The following UBASH3A variants were observed in gnomAD, a reference collection of about 807,000 sequenced individuals.
The protein encoded by UBASH3A is ubiquitin associated and SH3 domain containing A.
UBASH3A carries 63 observed loss-of-function variants against 73.5 expected under a neutral mutation model. The observed-to-expected ratio is 0.86, with a 90% CI of 0.70 to 1.06. The LOEUF (loss-of-function observed/expected upper bound fraction) is 1.06. Ranked by LOEUF, UBASH3A falls within the 50% of genes least tolerant of loss-of-function variation. The probability of loss-of-function intolerance (pLI) is 0.00; values close to 1 mark genes in which losing one functional copy is unlikely to be tolerated. For synonymous variants in UBASH3A, 363 were observed against 351.1 expected (o/e 1.03, Z -0.38); for missense variants, 860 against 859.0 (o/e 1.00, Z -0.02).
At chr21:42,417,259 C>G (rs1270382257) in intron 6 of UBASH3A, among the ~76,000 whole-genome samples, 2 of 151,602 alleles carry the variant, frequency 1.3e-5, no homozygotes, top group South Asian at 2.1e-4. Flanking sequence ...GCTGTCTCTA[C>G]TAAAAATACA....
At chr21:42,433,912 T>C (rs1056768874) in intron 9 of UBASH3A, among the ~76,000 whole-genome samples, 4 of 152,090 alleles carry the variant, frequency 2.6e-5, no homozygotes, top group Non-Finnish European at 4.4e-5. Context: ...CAGGGCCTGC[T>C]ATGTATGGCA....
At chr21:42,440,970 G>A (rs1404533845) in intron 11 of UBASH3A, among the ~76,000 whole-genome samples, 2 of 152,058 alleles carry the variant, frequency 1.3e-5, no homozygotes, top group Non-Finnish European at 2.9e-5. Flanking sequence ...TGGGTCACTT[G>A]CATATAAAAA....
rs2053767235 is a variant in UBASH3A, at chr21:42,442,598, T to C, written c.1631+2T>C. 1.9e-6 allele frequency: 3 copies of C among 1,604,748 alleles called. No homozygotes were observed. Among genetic ancestry groups the C allele is most frequent in the East Asian group, 2.2e-5 (1 of 44,838 alleles). On this transcript the variant is annotated splice_donor_variant, in intron 12 of 14. Transcript: ENST00000319294. LOFTEE classifies it high-confidence loss of function. ...TTTCAACATTGACACTGATTACAGG[T>C]ATGCTGTTCTAAAGTTCTCTGCCAC...
intron 8 of UBASH3A, among the ~76,000 whole-genome samples, chr21:42,430,014 G>A (rs975194301): frequency 1.3e-5 from 2 of 151,796 alleles, no homozygotes; most frequent in African/African-American, 4.8e-5. Flanking sequence ...ATTCTGCATC[G>A]TCCGGGCCAG....
intron 7 of UBASH3A, among the ~76,000 whole-genome samples, chr21:42,420,569 G>GAATT (rs1347651323): frequency 1.3e-5 from 2 of 152,102 alleles, no homozygotes; most frequent in Non-Finnish European, 2.9e-5. Context: ...TTACTACAAT[G>GAATT]AATTGCCTTA....
chr21:42,425,430 G>A (rs967260528), intron 7 of UBASH3A, among the ~76,000 whole-genome samples: 8 of 152,326 alleles, frequency 5.3e-5, no homozygotes, highest in Admixed American at 4.6e-4. Context: ...CCTCAGGAAG[G>A]GGAAACCAAC....
intron 3 of UBASH3A, 117 bp downstream of exon 3, chr21:42,409,725 C>A: frequency 1.2e-6 from 1 of 866,486 alleles, no homozygotes; most frequent in Non-Finnish European, 1.8e-6. Context: ...AGAACTGCAT[C>A]ATTAGCTGGC....
chr21:42,443,099 C>T (rs757315261), intron 12 of UBASH3A: 91 of 1,357,662 alleles, frequency 6.7e-5, no homozygotes, highest in Non-Finnish European at 8.5e-5. Context: ...TCACAGAGCC[C>T]TCCTGGTGTT....
At chr21:42,443,512 GC>G (rs1453152394) in intron 13 of UBASH3A, 94 bp downstream of exon 13, 1 of 1,079,842 alleles carries the variant, frequency 9.3e-7, no homozygotes. Flanking sequence ...ACCTATGAAT[GC>G]CCCTACTTCT....
intron 7 of UBASH3A, among the ~76,000 whole-genome samples, chr21:42,424,583 C>T (rs1045125463): frequency 6.6e-6 from 1 of 152,112 alleles, no homozygotes; most frequent in Non-Finnish European, 1.5e-5. Context: ...AGTGTGAGGG[C>T]TCGGGAGAAT....
intron 3 of UBASH3A, among the ~76,000 whole-genome samples, chr21:42,411,415 CACAT>C (rs1433137913): frequency 6.6e-6 from 1 of 151,930 alleles, no homozygotes; most frequent in Non-Finnish European, 1.5e-5. Flanking sequence ...CACATACATG[CACAT>C]ACATAGACAA....
chr21:42,415,113 G>T (rs571729003), intron 5 of UBASH3A, among the ~76,000 whole-genome samples: 1 of 152,314 alleles, frequency 6.6e-6, no homozygotes, highest in East Asian at 1.9e-4. Context: ...AAATGCATGA[G>T]GCCCCCTTGC....
chr21:42,426,767 G>T lies in UBASH3A; in HGVS notation c.1117G>T (p.Gly373Trp). ...TGGTGAAGCCAGCAGCAGATGCAGCGGGGAATTTCTTCCACAAACGGCAAG... is the reference window on the plus strand; with the variant it reads ...TGGTGAAGCCAGCAGCAGATGCAGCTGGGAATTTCTTCCACAAACGGCAAG... Reference protein sequence around the residue: ...KDGEASSRCSGEFLPQTARSL... With the variant: ...KDGEASSRCSWEFLPQTARSL... Residue 373 changes from glycine to tryptophan, a missense_variant, in exon 8 of 15, where the codon GGG becomes TGG. Physicochemically the swap from Gly to Trp is radical, Grantham distance 184. Transcript: ENST00000319294. 6.2e-7 allele frequency: 1 copy of T among 1,614,156 alleles called. No homozygotes were observed. The highest frequency in any genetic ancestry group is 1.1e-5 in the South Asian group (1 of 91,080).
At position 42,410,064 on chromosome 21, in the gene UBASH3A, A is replaced by G. The variant is rs1213704359; in HGVS notation, c.354+456A>G. ...CCAAAATGTGTGGTAAGTCAACTCA[A>G]GGATGGGTGATTGTTGGCTACCCAC... On this transcript the variant is annotated intron_variant, in intron 3 of 14. Transcript: ENST00000319294. 8.5e-6 allele frequency: 6 copies of G among 702,032 alleles called. No homozygotes were observed. In the African/African-American group the frequency reaches 1.0e-4, roughly 12 times the overall value. 43.5% of individuals were successfully genotyped at this position (702,032 alleles called of 1,614,324 possible).
At chr21:42,443,093 A>C in intron 12 of UBASH3A, 14 of 1,338,556 alleles carry the variant, frequency 1.0e-5, no homozygotes, top group African/African-American at 1.5e-5. Flanking sequence ...CTGCCATCAC[A>C]GAGCCCTCCT....
intron 11 of UBASH3A, among the ~76,000 whole-genome samples, chr21:42,442,054 G>A (rs766960882): frequency 6.6e-6 from 1 of 152,134 alleles, no homozygotes; most frequent in Non-Finnish European, 1.5e-5. Flanking sequence ...CATTCTTCAT[G>A]ATGGGTCACA....
chr21:42,442,708 C>A, intron 12 of UBASH3A, 112 bp downstream of exon 12: 1 of 1,210,516 alleles, frequency 8.3e-7, no homozygotes, highest in Non-Finnish European at 1.1e-6. Context: ...GGGACCACTG[C>A]AGTGGGGTTT....
intron 9 of UBASH3A, among the ~76,000 whole-genome samples, chr21:42,433,639 C>T (rs955556369): frequency 2.0e-5 from 3 of 152,210 alleles, no homozygotes; most frequent in African/African-American, 7.2e-5. Flanking sequence ...TGGACTTTCT[C>T]TCTGATTTTA....
intron 7 of UBASH3A, among the ~76,000 whole-genome samples, chr21:42,422,598 T>C (rs778116944): frequency 2.6e-5 from 4 of 152,110 alleles, no homozygotes; most frequent in Non-Finnish European, 4.4e-5. Context: ...ATAGAAGAGA[T>C]CATTAAAATT....
Sources: allele counts gnomAD v4.1 joint callset (sites outside exome capture counted in the v4.1 genomes callset), GRCh38; gene constraint gnomAD v4.1.1; transcripts MANE v1.5; gene names NCBI Gene and HGNC (gene_info 2026-07-23, HGNC 2026-07-21).